The following VIPR2 variants were observed in gnomAD, a reference collection of about 807,000 sequenced individuals.
The protein encoded by VIPR2 is vasoactive intestinal polypeptide receptor 2.
A neutral mutation model predicts 58.0 loss-of-function variants in VIPR2; 48 were observed. The ratio of observed to expected loss-of-function variants is 0.83; its 90% CI spans 0.66 to 1.05. The LOEUF (loss-of-function observed/expected upper bound fraction) is 1.05. VIPR2 is among the 50% of genes least tolerant of loss of function. VIPR2 has a pLI of 0.00. For missense variants in VIPR2, 534 were observed against 558.0 expected, an observed-to-expected ratio of 0.96 and a Z score of 0.43; for synonymous variants, 243 against 235.2, an observed-to-expected ratio of 1.03 and a Z score of -0.30.
chr7:159,135,296 G>A (rs900837653), intron 2 of VIPR2, among the ~76,000 whole-genome samples: 5 of 151,868 alleles, frequency 3.3e-5, no homozygotes, highest in Admixed American at 1.3e-4. Context: ...GTTGGGCATG[G>A]TGGCACATGC....
At chr7:159,065,923 C>T (rs947195994) in intron 4 of VIPR2, among the ~76,000 whole-genome samples, 1 of 152,230 alleles carries the variant, frequency 6.6e-6, no homozygotes, top group Admixed American at 6.5e-5. Flanking sequence ...GGTTTGACCT[C>T]CCCTGAGACA....
intron 4 of VIPR2, among the ~76,000 whole-genome samples, chr7:159,083,311 T>C (rs559823410): frequency 1.3e-5 from 2 of 152,320 alleles, no homozygotes; most frequent in East Asian, 3.9e-4. Context: ...CTTATGGCCA[T>C]GATGGAGAAA....
rs764563571 is a variant in VIPR2, at chr7:159,031,933, C to A, written c.1101+5G>T. The A allele has an allele frequency of 1.2e-6, 2 of 1,614,134 alleles. No homozygotes were observed. Among genetic ancestry groups the A allele is most frequent in the Non-Finnish European group, 1.7e-6 (2 of 1,180,038 alleles). On this transcript the variant is annotated splice_donor_5th_base_variant and intron_variant, in intron 11 of 12. Coordinates refer to ENST00000262178, the MANE Select transcript of VIPR2 (RefSeq NM_003382.5). The surrounding 1 kb of genome is among the most constrained non-coding windows in gnomAD (Gnocchi z 4.0). ...GGGGGAGGGCGGCCGCCTCCGCACA[C>A]CTACCTGGAACGACCCGAGGCACAG...
At chr7:159,087,494 A>G (rs1364121383) in intron 4 of VIPR2, among the ~76,000 whole-genome samples, 4 of 130,736 alleles carry the variant, frequency 3.1e-5, no homozygotes, top group Admixed American at 1.5e-4. Flanking sequence ...CCCAACAAAC[A>G]ATACCCAGGA....
Position 159,030,801 on chromosome 7 carries a change from G to C in VIPR2, c.1144-12C>G. ...AGCTCGCACTGCACCTGGGAGGTGA[G>C]GGCAGCGGGAACGCCCGTGAGCCTG... On this transcript the variant is annotated splice_polypyrimidine_tract_variant and intron_variant, in intron 12 of 12. Transcript: ENST00000262178. 6.4e-7 allele frequency: 1 copy of C among 1,556,290 alleles called. No homozygotes were observed. The highest frequency in any genetic ancestry group is 8.7e-7 in the Non-Finnish European group (1 of 1,149,060).
intron 2 of VIPR2, among the ~76,000 whole-genome samples, chr7:159,118,999 C>T (rs530471108): frequency 6.6e-6 from 1 of 152,370 alleles, no homozygotes; most frequent in Admixed American, 6.5e-5. Context: ...ACCCACACCC[C>T]AGGGGTTCTG....
intron 2 of VIPR2, among the ~76,000 whole-genome samples, chr7:159,118,528 G>A (rs1796330307): frequency 6.6e-6 from 1 of 152,172 alleles, no homozygotes; most frequent in Non-Finnish European, 1.5e-5. Flanking sequence ...GTGCTTCCAG[G>A]TTCAGTGGGT....
intron 4 of VIPR2, among the ~76,000 whole-genome samples, chr7:159,086,404 G>A (rs1430258288): frequency 6.6e-6 from 1 of 152,180 alleles, no homozygotes; most frequent in Non-Finnish European, 1.5e-5. Flanking sequence ...GTAACATCCC[G>A]GAATCTGAGG....
chr7:159,039,445 T>G (rs980145463), intron 6 of VIPR2, among the ~76,000 whole-genome samples: 6 of 152,160 alleles, frequency 3.9e-5, no homozygotes, highest in African/African-American at 1.4e-4. Context: ...GCCACTGCAC[T>G]CCAGCCTGGA....
At chr7:159,101,340 T>C (rs1255446778) in intron 4 of VIPR2, among the ~76,000 whole-genome samples, 5 of 144,308 alleles carry the variant, frequency 3.5e-5, no homozygotes, top group Admixed American at 6.8e-5. Flanking sequence ...TTCCCCTGAC[T>C]GTTCCTGTGG....
Position 159,118,873 on chromosome 7 carries a change from G to A in VIPR2, c.152-8954C>T, listed in dbSNP as rs754760949. Among the ~76,000 whole-genome samples, 6 of 152,352 alleles carry A rather than the reference G, an allele frequency of 3.9e-5. No individual in the cohort carries two copies. In the East Asian group the frequency reaches 1.2e-3, roughly 29 times the overall value. ...TCTGCTGTTCCGAGTGCACAGAACC[G>A]AGGCCTGGGTGTGCGGCACAGCGCT... On this transcript the variant is annotated intron_variant, in intron 2 of 12. Transcript: ENST00000262178.
At chr7:159,111,865 G>A (rs773050332) in intron 2 of VIPR2, among the ~76,000 whole-genome samples, 1 of 151,948 alleles carries the variant, frequency 6.6e-6, no homozygotes, top group Non-Finnish European at 1.5e-5. Flanking sequence ...TTAAAAATTC[G>A]CTGGAGGTAA....
At position 159,030,656 on chromosome 7, in the gene VIPR2, C is replaced by A. The variant is rs374813944; in HGVS notation, c.1277G>T (p.Arg426Leu). The part of the protein sequence containing the change: ...EGALQFHRGS[R>L]AQSFLQTETS... ...CTCCGTTTGCAGGAAGGACTGGGCG[C>A]GGGAGCCGCGGTGGAACTGCAGGGC... Residue 426 changes from arginine (R) to leucine (L), a missense_variant, in exon 13 of 13, where the codon CGC (arginine) becomes CTC (leucine). Transcript: ENST00000262178. The A allele has an allele frequency of 3.8e-4, 591 of 1,558,708 alleles. 1 individual carries two copies. The highest frequency in any genetic ancestry group is 4.8e-4 in the Non-Finnish European group (559 of 1,152,918).
At chr7:159,045,232 A>G (rs1449047408) in intron 5 of VIPR2, among the ~76,000 whole-genome samples, 5 of 152,218 alleles carry the variant, frequency 3.3e-5, no homozygotes, top group Admixed American at 6.5e-5. Flanking sequence ...CAGCACACGC[A>G]TGGGGGAGTG....
At position 159,097,230 on chromosome 7, in the gene VIPR2, G is replaced by A. The variant is rs1415248872; in HGVS notation, c.357+6527C>T. 55 of 1,411,256 alleles carry A rather than the reference G, an allele frequency of 3.9e-5. No individual in the cohort carries two copies. Among genetic ancestry groups the A allele is most frequent in the South Asian group, 1.3e-4 (8 of 59,946 alleles). 87.4% of individuals were successfully genotyped at this position (1,411,256 alleles called of 1,614,324 possible). A position where few individuals can be genotyped will look rare whatever the true frequency, so the allele number is the denominator to read the frequency against. On this transcript the variant is annotated intron_variant, in intron 4 of 12. Coordinates refer to ENST00000262178, the MANE Select transcript of VIPR2 (RefSeq NM_003382.5). This position sits in a 1 kb window ranked among gnomAD's most constrained non-coding sequence, Gnocchi z 5.3. ...GCCATCAGTGGGAACGAGTCACTGC[G>A]GTGGCCTGAGTGCTGGAGGAGGGCA...
In VIPR2 at chr7:159,097,625, C is replaced by A. The variant is rs76662126; in HGVS notation, c.357+6132G>T. On this transcript the variant is annotated intron_variant, in intron 4 of 12. Transcript: ENST00000262178. The surrounding 1 kb of genome is among the most constrained non-coding windows in gnomAD (Gnocchi z 5.3). ...CTTTCATCAGTGCCCAAGATGAAAT[C>A]CAAATCACCAAGGAGAATTCCCACT... is the stretch of plus-strand genomic sequence containing the variant. 2.0e-5 allele frequency among the ~76,000 whole-genome samples: 3 copies of A among 152,278 alleles called. No individual in the cohort carries two copies. Among genetic ancestry groups the A allele is most frequent in the South Asian group, 2.1e-4 (1 of 4,830 alleles).
chr7:159,120,269 C>G (rs1209488996), intron 2 of VIPR2, among the ~76,000 whole-genome samples: 1 of 152,220 alleles, frequency 6.6e-6, no homozygotes, highest in African/African-American at 2.4e-5. Flanking sequence ...TAAGGAGCAG[C>G]CTTCTACCAG....
At chr7:159,138,923 T>C (rs777003944) in intron 2 of VIPR2, among the ~76,000 whole-genome samples, 8 of 152,258 alleles carry the variant, frequency 5.3e-5, no homozygotes, top group Non-Finnish European at 8.8e-5. Context: ...AATATCTCTC[T>C]AGATGCTAAG....
chr7:159,132,948 T>G (rs2540358), intron 2 of VIPR2, among the ~76,000 whole-genome samples: 3 of 124,866 alleles, frequency 2.4e-5, no homozygotes, highest in Admixed American at 7.6e-5. Context: ...GGCATACAGA[T>G]TGATTTCAGA....
Sources: gnomAD v4.1 joint callset for allele counts (sites outside exome capture counted in the v4.1 genomes callset) on GRCh38, gnomAD v4.1.1 for gene constraint, Gnocchi (gnomAD v3.1) non-coding constraint, MANE v1.5 for transcripts, NCBI Gene and HGNC (gene_info 2026-07-23, HGNC 2026-07-21) for gene names.